ANKRD35: variants seen among roughly 807,000 people sequenced by gnomAD.
The protein encoded by ANKRD35 is ankyrin repeat domain 35.
Under a neutral mutation model 109.9 loss-of-function variants are expected in ANKRD35, and 102 were observed. The observed-to-expected ratio is 0.93, with a 90% CI of 0.79 to 1.09. The LOEUF (loss-of-function observed/expected upper bound fraction) is 1.09, where lower values mean the gene tolerates loss of function less well. Among genes scored for constraint, ANKRD35 ranks in the 50% least tolerant of loss-of-function variants. The pLI, the probability that ANKRD35 is intolerant of heterozygous loss-of-function variation, is 0.00. For missense variants in ANKRD35, 1,240 were observed against 1,230.1 expected (o/e 1.01, Z -0.12); for synonymous variants, 515 against 512.4 (o/e 1.01, Z -0.07).
At chr1:145,878,642 A>G (rs587601070) in intron 2 of ANKRD35, among the ~76,000 whole-genome samples, 163 bp from the exon 3 acceptor site, 1 of 152,348 alleles carries the variant, frequency 6.6e-6, no homozygotes, top group East Asian at 1.9e-4. Context: ...AGAAGTCTAT[A>G]TGGCCTCCAA....
chr1:145,866,572 C>A lies in ANKRD35; in HGVS notation c.*237G>T, dbSNP rs1227241539. The A allele has an allele frequency of 1.3e-5, 2 of 152,162 alleles. No homozygotes were observed. The highest frequency in any genetic ancestry group is 2.4e-5 in the African/African-American group (1 of 41,418). 9.4% of individuals were successfully genotyped at this position (152,162 alleles called of 1,614,324 possible). On this transcript the variant is annotated 3_prime_UTR_variant, in exon 14 of 14. Transcript: ENST00000355594. ...AATTACACTCAGCCCCGTCCTGCCT[C>A]ATGCTTTATTTTCCATAGAGCTTGT... is the stretch of plus-strand genomic sequence containing the variant.
At position 145,872,916 on chromosome 1, in the gene ANKRD35, G is replaced by A. The variant is rs782313015; in HGVS notation, c.1853C>T (p.Ser618Leu). The A allele has an allele frequency of 4.3e-6, 7 of 1,613,284 alleles. No individual in the cohort carries two copies. In the Admixed American group the frequency reaches 1.2e-4, roughly 27 times the overall value. ...GTTACTGTTGCTCAGTCTCAGTACT[G>A]ACATCTCCTTCTCCAGCTGTCCCTT... Reference protein sequence around the residue: ...LAKGQLEKEMSVLRLSNSNLL... With the variant: ...LAKGQLEKEMLVLRLSNSNLL... Residue 618 changes from serine (S) to leucine (L), a missense_variant, in exon 10 of 14, where the codon TCA becomes TTA. Ser to Leu is a moderately radical substitution (Grantham distance 145). Coordinates refer to ENST00000355594, the MANE Select transcript of ANKRD35 (RefSeq NM_144698.5).
rs782423943 is a variant in ANKRD35, at chr1:145,872,484, G to A, written c.2285C>T (p.Ser762Phe). The change falls in exon 10 of 14, where the codon TCC becomes TTC. Residue 762 changes from serine to phenylalanine, a missense_variant. Transcript: ENST00000355594. Reference protein sequence around the residue: ...EENQQLRGSLSPCREPGTSLK... With the variant: ...EENQQLRGSLFPCREPGTSLK... ...GGAGGTGCCTGGCTCCCTACACGGG[G>A]ACAAGGACCCCCGCAACTGCTGGTT... 2.5e-6 allele frequency: 4 copies of A among 1,596,284 alleles called. No individual in the cohort carries two copies. The highest frequency in any genetic ancestry group is 3.4e-6 in the Non-Finnish European group (4 of 1,172,312).
intron 1 of ANKRD35, 63 bp from the exon 2 acceptor site, chr1:145,879,451 G>T: frequency 7.3e-7 from 1 of 1,373,492 alleles, no homozygotes; most frequent in Non-Finnish European, 9.5e-7. Context: ...AAAGAAAAGA[G>T]GCAAATGGTT....
chr1:145,872,233 C>T lies in ANKRD35; in HGVS notation c.2536G>A (p.Ala846Thr). The change falls in exon 10 of 14, where the codon GCT (alanine) becomes ACT (threonine). Residue 846 changes from alanine (A) to threonine (T), a missense_variant. Ala to Thr is a moderately conservative substitution (Grantham distance 58). Coordinates refer to ENST00000355594, the MANE Select transcript of ANKRD35 (RefSeq NM_144698.5). ...TTTAGCTCCTGGCCCCAAGCCTGAGCCTGGGCCACCAGCGAACCCCGAGTT... is the reference window on the plus strand; with the variant it reads ...TTTAGCTCCTGGCCCCAAGCCTGAGTCTGGGCCACCAGCGAACCCCGAGTT... ...EKTRGSLVAQ[A>T]QAWGQELKAL... The T allele has an allele frequency of 6.2e-7, 1 of 1,610,984 alleles. No homozygotes were observed. Among genetic ancestry groups the T allele is most frequent in the South Asian group, 1.1e-5 (1 of 90,786 alleles).
Position 145,874,890 on chromosome 1 carries a change from G to A in ANKRD35, c.677C>T (p.Ala226Val). The change falls in exon 8 of 14, where the codon GCT (alanine) becomes GTT (valine). Residue 226 changes from alanine to valine, a missense_variant. Coordinates refer to ENST00000355594, the MANE Select transcript of ANKRD35 (RefSeq NM_144698.5). ...CAGTGCCTTGTCTTGTGTGTGCAGAGCATAGTGCAGAGCATCATGCCCTGT... is the reference window on the plus strand; with the variant it reads ...CAGTGCCTTGTCTTGTGTGTGCAGAACATAGTGCAGAGCATCATGCCCTGT... ...DSTGHDALHY[A>V]LHTQDKALWR... The A allele has an allele frequency of 1.2e-6, 2 of 1,613,690 alleles. No individual in the cohort carries two copies. The highest frequency in any genetic ancestry group is 1.7e-6 in the Non-Finnish European group (2 of 1,179,794).
chr1:145,878,032 C>G lies in ANKRD35; in HGVS notation c.260G>C (p.Gly87Ala). The G allele has an allele frequency of 6.2e-7, 1 of 1,613,902 alleles. No homozygotes were observed. Residue 87 changes from glycine to alanine, a missense_variant and splice_region_variant, in exon 4 of 14, where the codon GGA (glycine) becomes GCA (alanine). Gly to Ala is a moderately conservative substitution (Grantham distance 60). Transcript: ENST00000355594. ...GGTGGCCAAGTGTAGGGCAGTGCTT[C>G]CTGGAACAGAAAGAAGGGGAGAAGG... ...GADINSKNED[G>A]STALHLATIS...
intron 1 of ANKRD35, among the ~76,000 whole-genome samples, 200 bp from the exon 2 acceptor site, chr1:145,879,588 T>C (rs1318058928): frequency 6.6e-6 from 1 of 152,176 alleles, no homozygotes; most frequent in Non-Finnish European, 1.5e-5. Context: ...CCAAGAACTA[T>C]TGCTGGTTAT....
chr1:145,868,637 G>T (rs1553738122), intron 10 of ANKRD35, among the ~76,000 whole-genome samples: 2 of 152,190 alleles, frequency 1.3e-5, no homozygotes, highest in Non-Finnish European at 2.9e-5. Flanking sequence ...AAATCTTTTT[G>T]ATATTGTGAA....
At chr1:145,874,270 T>C in intron 8 of ANKRD35, 78 bp from the exon 9 acceptor site, 3 of 1,507,692 alleles carry the variant, frequency 2.0e-6, no homozygotes, top group Non-Finnish European at 1.8e-6. Context: ...ATCTTCAGAC[T>C]TTTTCTGAGA....
intron 7 of ANKRD35, 43 bp downstream of exon 7, chr1:145,876,097 G>A: frequency 6.4e-7 from 1 of 1,557,050 alleles, no homozygotes; most frequent in Non-Finnish European, 8.8e-7. Flanking sequence ...TTTCTAAATT[G>A]GTCAGGCATG....
Position 145,872,517 on chromosome 1 carries a change from T to G in ANKRD35, c.2252A>C (p.Gln751Pro). 6.2e-7 allele frequency: 1 copy of G among 1,602,992 alleles called. No homozygotes were observed. Among genetic ancestry groups the G allele is most frequent in the Non-Finnish European group, 8.5e-7 (1 of 1,174,998 alleles). ...REAQQVLARLQEENQQLRGSL... is the reference protein window; with the variant it reads ...REAQQVLARLPEENQQLRGSL... ...CCCCCGCAACTGCTGGTTTTCTTCT[T>G]GCAGCCGAGCCAGCACCTGCTGGGC... The change falls in exon 10 of 14, where the codon CAA becomes CCA. Residue 751 changes from glutamine (Q) to proline (P), a missense_variant. Transcript: ENST00000355594.
chr1:145,885,618 G>T, intron 1 of ANKRD35, 102 bp downstream of exon 1: 1 of 1,353,436 alleles, frequency 7.4e-7, no homozygotes, highest in Non-Finnish European at 1.0e-6. Flanking sequence ...TAGAAAGACT[G>T]ATAAAAAGAA....
rs587664010 is a variant in ANKRD35 at position 145,881,428 on chromosome 1, C to T, written c.40-2040G>A. On this transcript the variant is annotated intron_variant, in intron 1 of 13. Transcript: ENST00000355594. ...GTCTCAAGTTGCCTCCAGGGCAAAGCCACCCACCCTCAGACTCTACTGTCT... is the reference window on the plus strand; with the variant it reads ...GTCTCAAGTTGCCTCCAGGGCAAAGTCACCCACCCTCAGACTCTACTGTCT... 1.4e-3 allele frequency among the ~76,000 whole-genome samples: 206 copies of T among 152,318 alleles called. 1 individual carries two copies. Among genetic ancestry groups the T allele is most frequent in the Middle Eastern group, 3.4e-3 (1 of 294 alleles).
In ANKRD35 at chr1:145,879,274, A is replaced by G; in HGVS notation, c.154T>C (p.Ser52Pro). 1 of 1,609,566 alleles carries G rather than the reference A, an allele frequency of 6.2e-7. No homozygotes were observed. The highest frequency in any genetic ancestry group is 8.5e-7 in the Non-Finnish European group (1 of 1,178,046). ...RKSARPTKLD[S>P]NGQSPFHLAA... ...CTGACTTACGGGGACTGGCCATTCG[A>G]GTCAAGCTTGGTGGGTCGGGCAGAT... The change falls in exon 2 of 14, where the codon TCG (serine) becomes CCG (proline). Residue 52 changes from serine (S) to proline (P), a missense_variant. By Grantham distance (74) the Ser-to-Pro change is moderately conservative (BLOSUM62 -1). Transcript: ENST00000355594.
At position 145,872,464 on chromosome 1, in the gene ANKRD35, T is replaced by C; in HGVS notation, c.2305A>G (p.Thr769Ala). The C allele has an allele frequency of 1.2e-6, 2 of 1,602,862 alleles. No homozygotes were observed. The highest frequency in any genetic ancestry group is 1.7e-6 in the Non-Finnish European group (2 of 1,175,526). Residue 769 changes from threonine to alanine, a missense_variant, in exon 10 of 14, where the codon ACC becomes GCC. By Grantham distance (58) the Thr-to-Ala change is moderately conservative (BLOSUM62 0). Transcript: ENST00000355594. ...GGGGATGCTGGGGCCTTTAAGGAGGTGCCTGGCTCCCTACACGGGGACAAG... is the reference window on the plus strand; with the variant it reads ...GGGGATGCTGGGGCCTTTAAGGAGGCGCCTGGCTCCCTACACGGGGACAAG... ...GSLSPCREPGTSLKAPASPQV... is the reference protein window; with the variant it reads ...GSLSPCREPGASLKAPASPQV...
chr1:145,871,831 T>C, intron 10 of ANKRD35, 151 bp downstream of exon 10: 3 of 974,640 alleles, frequency 3.1e-6, no homozygotes, highest in Non-Finnish European at 4.5e-6. Context: ...CACGAGAACA[T>C]AGTAGTGTGG....
chr1:145,884,623 C>G (rs1403770729), intron 1 of ANKRD35, among the ~76,000 whole-genome samples: 2 of 151,646 alleles, frequency 1.3e-5, no homozygotes, highest in Non-Finnish European at 2.9e-5. Flanking sequence ...AAGCCACCAC[C>G]TTCTATAATC....
chr1:145,874,120 T>A (rs1653969412), intron 9 of ANKRD35, 35 bp downstream of exon 9: 3 of 1,613,828 alleles, frequency 1.9e-6, no homozygotes, highest in Non-Finnish European at 2.5e-6. Context: ...CTGGGGTGTG[T>A]CAAAAGCAAA....
Sources: gnomAD v4.1 joint callset for allele counts (sites outside exome capture counted in the v4.1 genomes callset) on GRCh38, gnomAD v4.1.1 for gene constraint, MANE v1.5 for transcripts, NCBI Gene and HGNC (gene_info 2026-07-23, HGNC 2026-07-21) for gene names.